Variants in NELL1 observed in about 807,000 individuals in gnomAD.
NELL1 encodes neural EGFL like 1.
NELL1 carries 76 observed loss-of-function variants against 107.4 expected under a neutral mutation model. The observed-to-expected ratio is 0.71, with a 90% CI of 0.59 to 0.86. NELL1 has a LOEUF of 0.86. NELL1 is among the 40% of genes least tolerant of loss of function. The pLI is 0.00. For synonymous variants in NELL1, 353 were observed against 341.2 expected, an observed-to-expected ratio of 1.03 and a Z score of -0.38; for missense variants, 1,024 against 1,005.5, an observed-to-expected ratio of 1.02 and a Z score of -0.25.
At chr11:20,967,894 T>C (rs889399653) in intron 12 of NELL1, among the ~76,000 whole-genome samples, 1 of 152,188 alleles carries the variant, frequency 6.6e-6, no homozygotes, top group Non-Finnish European at 1.5e-5. Context: ...TGCCTACTTC[T>C]CCAAATTCAT....
At chr11:21,264,736 G>T (rs1208570923) in intron 14 of NELL1, among the ~76,000 whole-genome samples, 1 of 151,588 alleles carries the variant, frequency 6.6e-6, no homozygotes, top group Non-Finnish European at 1.5e-5. Flanking sequence ...CTGAGCTGGT[G>T]ACAACAGTTG....
chr11:21,575,154 C>A lies in NELL1; in HGVS notation c.*132C>A. The A allele has an allele frequency of 1.2e-6, 1 of 807,168 alleles. No homozygotes were observed. The highest frequency in any genetic ancestry group is 2.0e-6 in the Non-Finnish European group (1 of 488,192). The allele number at this position is 807,168 out of a possible 1,614,324, so 50.0% of individuals were successfully genotyped here. A position where few individuals can be genotyped will look rare whatever the true frequency, so the allele number is the denominator to read the frequency against. On this transcript the variant is annotated 3_prime_UTR_variant, in exon 20 of 20. Coordinates refer to ENST00000357134, the MANE Select transcript of NELL1 (RefSeq NM_006157.5). ...CCACAGATAATTGCCAAAGTTTCCA[C>A]CTGAGGACGGTGTTTGGAGGTTGCC...
rs995387336 is a variant in NELL1, at chr11:20,983,460, A to G, written c.1300+22900A>G. 3.5e-4 allele frequency among the ~76,000 whole-genome samples: 54 copies of G among 152,164 alleles called. 1 individual carries two copies. Among genetic ancestry groups the G allele is most frequent in the African/African-American group, 1.2e-3 (49 of 41,444 alleles). Reference sequence around the variant, plus strand: ...TCTAAACTTCATGTTTTAAAGATGTATGATCTCTGCCCTGAACACCTGCTC... The same window carrying G: ...TCTAAACTTCATGTTTTAAAGATGTGTGATCTCTGCCCTGAACACCTGCTC... On this transcript the variant is annotated intron_variant, in intron 12 of 19. Coordinates refer to ENST00000357134, the MANE Select transcript of NELL1 (RefSeq NM_006157.5).
chr11:21,422,316 C>T (rs1852699530), intron 15 of NELL1, among the ~76,000 whole-genome samples: 2 of 151,996 alleles, frequency 1.3e-5, no homozygotes. Flanking sequence ...AATATATGGG[C>T]AATTATAAAA....
intron 14 of NELL1, among the ~76,000 whole-genome samples, chr11:21,245,251 G>T (rs1858461070): frequency 6.6e-6 from 1 of 152,114 alleles, no homozygotes; most frequent in Admixed American, 6.6e-5. Flanking sequence ...ATAGCTCAGT[G>T]GTTAAATGCA....
At chr11:21,065,282 T>C (rs1644509042) in intron 12 of NELL1, among the ~76,000 whole-genome samples, 1 of 152,160 alleles carries the variant, frequency 6.6e-6, no homozygotes, top group Non-Finnish European at 1.5e-5. Context: ...TTTAGAGAAA[T>C]CCAAGTGTTT....
intron 4 of NELL1, among the ~76,000 whole-genome samples, chr11:20,878,580 G>T (rs967473473): frequency 1.3e-5 from 2 of 152,064 alleles, no homozygotes; most frequent in African/African-American, 4.8e-5. Context: ...ATCTCAAAAG[G>T]TATTGATGGT....
chr11:21,140,541 A>C (rs1234444383), intron 13 of NELL1, among the ~76,000 whole-genome samples: 1 of 152,190 alleles, frequency 6.6e-6, no homozygotes, highest in Admixed American at 6.5e-5. Context: ...CTTGACCATC[A>C]CTAGCTTTGG....
chr11:20,921,798 G>GTT (rs754194719), intron 7 of NELL1, among the ~76,000 whole-genome samples: 1,603 of 145,572 alleles, frequency 0.011, 36 homozygotes, highest in Admixed American at 0.035. Context: ...TATTGTGTGT[G>GTT]TTTTTTTTTT....
chr11:21,113,794 G>A, intron 13 of NELL1, 80 bp downstream of exon 13: 1 of 1,412,082 alleles, frequency 7.1e-7, no homozygotes, highest in East Asian at 2.4e-5. Context: ...TTAATTCCTA[G>A]TGCACAAAGT....
intron 2 of NELL1, among the ~76,000 whole-genome samples, chr11:20,710,114 C>G (rs1412622925): frequency 2.0e-5 from 3 of 152,128 alleles, no homozygotes; most frequent in African/African-American, 7.2e-5. Context: ...AAGTGAATAT[C>G]CTTGTCTTGT....
In NELL1 at chr11:21,407,069, T is replaced by G. The variant is rs1466918046; in HGVS notation, c.1645+36121T>G. ...ATTTGAGTGAAGCTGTAGTTTAACT[T>G]ATTTATGTTTGATTGTTAGTATCCA... On this transcript the variant is annotated intron_variant, in intron 15 of 19. Transcript: ENST00000357134. Among the ~76,000 whole-genome samples, 4 of 152,180 alleles carry G rather than the reference T, an allele frequency of 2.6e-5. No individual in the cohort carries two copies. In the East Asian group the frequency reaches 5.9e-4, roughly 22 times the overall value.
At chr11:20,762,920 G>T (rs1019871430) in intron 2 of NELL1, among the ~76,000 whole-genome samples, 1 of 152,072 alleles carries the variant, frequency 6.6e-6, no homozygotes, top group African/African-American at 2.4e-5. Context: ...GCAGCACGGG[G>T]TTGAAGAAAG....
At chr11:21,236,329 T>C (rs970161756) in intron 14 of NELL1, among the ~76,000 whole-genome samples, 38 of 152,176 alleles carry the variant, frequency 2.5e-4, no homozygotes, top group African/African-American at 8.9e-4. Context: ...GCTCAGTAAA[T>C]ACATAGATGC....
In NELL1 at chr11:21,229,442, A is replaced by G; in HGVS notation, c.1537A>G (p.Thr513Ala). 6.2e-7 allele frequency: 1 copy of G among 1,613,838 alleles called. No homozygotes were observed. The highest frequency in any genetic ancestry group is 8.5e-7 in the Non-Finnish European group (1 of 1,179,858). Reference sequence around the variant, plus strand: ...CAAACCGGGCTACGTGGGGAACGGGACCATCTGCAGAGGTAGGCTTGCCGC... The same window carrying G: ...CAAACCGGGCTACGTGGGGAACGGGGCCATCTGCAGAGGTAGGCTTGCCGC... ...TCKPGYVGNGTICRAFCEEGC... is the reference protein window; with the variant it reads ...TCKPGYVGNGAICRAFCEEGC... The change falls in exon 14 of 20, where the codon ACC becomes GCC. Residue 513 changes from threonine to alanine, a missense_variant. Physicochemically the swap from Thr to Ala is moderately conservative, Grantham distance 58. Coordinates refer to ENST00000357134, the MANE Select transcript of NELL1 (RefSeq NM_006157.5).
At chr11:21,050,860 C>T (rs879692620) in intron 12 of NELL1, among the ~76,000 whole-genome samples, 20 of 152,086 alleles carry the variant, frequency 1.3e-4, no homozygotes, top group African/African-American at 4.1e-4. Flanking sequence ...CTCTATAGAT[C>T]TGGGGTTCAG....
At chr11:21,322,808 A>G (rs914291329) in intron 14 of NELL1, among the ~76,000 whole-genome samples, 4 of 151,972 alleles carry the variant, frequency 2.6e-5, no homozygotes, top group African/African-American at 9.7e-5. Flanking sequence ...TATTCCTCAG[A>G]CTTCTGAGCA....
At chr11:20,840,310 T>C (rs2134048384) in intron 3 of NELL1, among the ~76,000 whole-genome samples, 1 of 152,354 alleles carries the variant, frequency 6.6e-6, no homozygotes, top group South Asian at 2.1e-4. Context: ...TCTGTATACC[T>C]GAAGTTAGAG....
intron 14 of NELL1, among the ~76,000 whole-genome samples, chr11:21,261,451 A>C (rs573265231): frequency 6.6e-6 from 1 of 151,806 alleles, no homozygotes; most frequent in East Asian, 1.9e-4. Context: ...AAATACCCTC[A>C]AATATTCCAT....
Sources: gnomAD v4.1 joint callset for allele counts (sites outside exome capture counted in the v4.1 genomes callset) on GRCh38, gnomAD v4.1.1 for gene constraint, MANE v1.5 for transcripts, NCBI Gene and HGNC (gene_info 2026-07-23, HGNC 2026-07-21) for gene names.